The following ARHGAP36 variants were observed in gnomAD, a reference collection of about 807,000 sequenced individuals.
ARHGAP36 encodes rho GTPase-activating protein 36.
ARHGAP36 carries 7 observed loss-of-function variants against 32.9 expected under a neutral mutation model. The ratio of observed to expected loss-of-function variants is 0.21; its 90% confidence interval spans 0.12 to 0.40. ARHGAP36 has a LOEUF of 0.40. Ranked by LOEUF, ARHGAP36 falls within the 10% of genes least tolerant of loss-of-function variation. The pLI, the probability that ARHGAP36 is intolerant of heterozygous loss-of-function variation, is 1.00. For missense variants in ARHGAP36, 383 were observed against 442.2 expected, an observed-to-expected ratio of 0.87 and a Z score of 1.20; for synonymous variants, 165 against 168.3, an observed-to-expected ratio of 0.98 and a Z score of 0.15.
chrX:131,061,716 C>A (rs1438042348), intron 1 of ARHGAP36, among the ~76,000 whole-genome samples: 1 of 111,320 alleles, frequency 9.0e-6, no homozygotes, highest in Non-Finnish European at 1.9e-5. Context: ...GTCAGATAAG[C>A]ACCCCCATTC....
chrX:131,084,774 AGGAGCAG>A lies in ARHGAP36; in HGVS notation c.804+96_804+102del. 2.6e-6 allele frequency: 3 copies of A among 1,161,768 alleles called. No homozygotes were observed. The South Asian group carries it at 5.7e-5, about 22-fold the overall frequency. ...ATAGACCTGACTACCTGGTGGGGGG[AGGAGCAG>A]GGTCTTCTTTGTAGCCCCCAGGCCC... is the stretch of plus-strand genomic sequence containing the variant. On this transcript the variant is annotated intron_variant, in intron 6 of 11. Transcript: ENST00000276211.
intron 6 of ARHGAP36, 115 bp downstream of exon 6, chrX:131,084,796 C>A: frequency 8.7e-7 from 1 of 1,152,129 alleles, no homozygotes; most frequent in Admixed American, 2.3e-5. Flanking sequence ...TTCTTTGTAG[C>A]CCCCAGGCCC....
intron 4 of ARHGAP36, 96 bp from the exon 5 acceptor site, chrX:131,084,119 T>C (rs2079821552): frequency 2.9e-6 from 3 of 1,044,056 alleles, no homozygotes; most frequent in Non-Finnish European, 3.9e-6. Context: ...ACAAAGGGAA[T>C]GTATCTTGTC....
intron 1 of ARHGAP36, among the ~76,000 whole-genome samples, chrX:131,080,854 A>G (rs62601339): frequency 0.016 from 1,784 of 111,953 alleles, 50 homozygotes; most frequent in Admixed American, 0.091. Context: ...TGCTGTTAGC[A>G]TTTGGGTGCA....
intron 9 of ARHGAP36, 37 bp from the exon 10 acceptor site, chrX:131,086,292 G>C: frequency 8.5e-7 from 1 of 1,182,478 alleles, no homozygotes; most frequent in Non-Finnish European, 1.2e-6. Flanking sequence ...AAAAGGTGCT[G>C]TGTAATGATG....
At chrX:131,062,404 A>G (rs1455291508) in intron 1 of ARHGAP36, among the ~76,000 whole-genome samples, 1 of 111,848 alleles carries the variant, frequency 8.9e-6, no homozygotes, top group Non-Finnish European at 1.9e-5. Context: ...GTGATCTAGA[A>G]TTTCACTATA....
chrX:131,088,764 C>A lies in ARHGAP36; in HGVS notation c.1623C>A (p.Gly541=). ...RVPREKEAKT[G]VSYFFP ...CCCGGGAGAAGGAGGCCAAAACTGG[C>A]GTCAGCTACTTCTTTCCTTAGATGT... The change falls in exon 12 of 12, where the codon GGC becomes GGA. Residue 541 remains glycine, a synonymous_variant. Coordinates refer to ENST00000276211, the MANE Select transcript of ARHGAP36 (RefSeq NM_144967.4). 8.3e-7 allele frequency: 1 copy of A among 1,208,880 alleles called. No individual in the cohort carries two copies.
Position 131,086,410 on chromosome X carries a change from A to T in ARHGAP36, c.1363A>T (p.Asn455Tyr). The change falls in exon 10 of 12, where the codon AAC becomes TAC. Residue 455 changes from asparagine to tyrosine, a missense_variant. Physicochemically the swap from Asn to Tyr is moderately radical, Grantham distance 143 (BLOSUM62 -2). Transcript: ENST00000276211. ...PEALDFIRRR[N>Y]LRKIQSARIK... ...AGCACTTGATTTTATCAGACGCAGG[A>T]ACTTGAGGAAGATCCAGTGAGTGTT... 1 of 1,211,938 alleles carries T rather than the reference A, an allele frequency of 8.3e-7. No individual in the cohort carries two copies. Among genetic ancestry groups the T allele is most frequent in the Non-Finnish European group, 1.1e-6 (1 of 895,548 alleles).
At chrX:131,064,404 A>G (rs1472981477) in intron 1 of ARHGAP36, among the ~76,000 whole-genome samples, 1 of 111,923 alleles carries the variant, frequency 8.9e-6, no homozygotes, top group Non-Finnish European at 1.9e-5. Flanking sequence ...AGTAATGAGG[A>G]AAATTGGCAG....
chrX:131,087,843 A>G (rs2079843185), intron 11 of ARHGAP36, among the ~76,000 whole-genome samples: 1 of 111,976 alleles, frequency 8.9e-6, no homozygotes, highest in Admixed American at 9.4e-5. Flanking sequence ...TCAGTTCTCT[A>G]TGTGGCTCCA....
chrX:131,084,048 G>C lies in ARHGAP36; in HGVS notation c.555+79G>C. 4.5e-6 allele frequency: 5 copies of C among 1,105,541 alleles called. No individual in the cohort carries two copies. In the South Asian group the frequency reaches 9.9e-5, roughly 22 times the overall value. 91.1% of individuals were successfully genotyped at this position (1,105,541 alleles called of 1,213,427 possible). On this transcript the variant is annotated intron_variant, in intron 4 of 11. Transcript: ENST00000276211. ...ATGTGAGGCCGGAGGATCAAGGCCTGTGCCCTCAGAGGCAGGGGGGAGCTG... is the reference window on the plus strand; with the variant it reads ...ATGTGAGGCCGGAGGATCAAGGCCTCTGCCCTCAGAGGCAGGGGGGAGCTG...
At chrX:131,086,719 G>C (rs993203911) in intron 11 of ARHGAP36, 54 bp downstream of exon 11, 6 of 1,098,404 alleles carry the variant, frequency 5.5e-6, no homozygotes, top group Non-Finnish European at 6.2e-6. Flanking sequence ...CCTTGTTGAA[G>C]GTCAGGCCCT....
At chrX:131,070,035 G>A (rs1214964454) in intron 1 of ARHGAP36, among the ~76,000 whole-genome samples, 2 of 112,416 alleles carry the variant, frequency 1.8e-5, no homozygotes, top group Non-Finnish European at 3.8e-5. Context: ...TACATGAGGA[G>A]TTATCATAAG....
chrX:131,084,025 G>A, intron 4 of ARHGAP36, 56 bp downstream of exon 4: 1 of 1,155,471 alleles, frequency 8.7e-7, no homozygotes, highest in Non-Finnish European at 1.2e-6. Flanking sequence ...ATGCAGGAAT[G>A]TGAGGCCGGA....
chrX:131,083,610 G>A, intron 3 of ARHGAP36, 124 bp from the exon 4 acceptor site: 3 of 685,340 alleles, frequency 4.4e-6, no homozygotes, highest in Non-Finnish European at 6.9e-6. Context: ...GGGGCGCTGC[G>A]GTTCTGGAGA....
At chrX:131,076,045 C>T (rs112485262) in intron 1 of ARHGAP36, among the ~76,000 whole-genome samples, 60 of 111,823 alleles carry the variant, frequency 5.4e-4, no homozygotes, top group African/African-American at 1.7e-3. Flanking sequence ...TCATGAATCA[C>T]GAATAGCTGT....
Position 131,081,882 on chromosome X carries a change from G to A in ARHGAP36, c.217G>A (p.Ala73Thr), listed in dbSNP as rs2079802207. ...LQETAYHELVARHFLSEFKPD... is the reference protein window; with the variant it reads ...LQETAYHELVTRHFLSEFKPD... ...AGAGACTGCTTACCACGAACTCGTGGCCAGACATTTCCTCTCCGAATTCAA... is the reference window on the plus strand; with the variant it reads ...AGAGACTGCTTACCACGAACTCGTGACCAGACATTTCCTCTCCGAATTCAA... The change falls in exon 2 of 12, where the codon GCC (alanine) becomes ACC (threonine). Residue 73 changes from alanine (A) to threonine (T), a missense_variant. Ala to Thr is a moderately conservative substitution (Grantham distance 58, BLOSUM62 0). Coordinates refer to ENST00000276211, the MANE Select transcript of ARHGAP36 (RefSeq NM_144967.4). 1 of 1,210,331 alleles carries A rather than the reference G, an allele frequency of 8.3e-7. No individual in the cohort carries two copies. Among genetic ancestry groups the A allele is most frequent in the Non-Finnish European group, 1.1e-6 (1 of 895,389 alleles).
At chrX:131,084,124 C>A in intron 4 of ARHGAP36, 91 bp from the exon 5 acceptor site, 1 of 1,056,235 alleles carries the variant, frequency 9.5e-7, no homozygotes, top group Non-Finnish European at 1.3e-6. Context: ...GGGAATGTAT[C>A]TTGTCCTGAA....
In ARHGAP36 at chrX:131,083,180, G is replaced by C. The variant is rs755218408; in HGVS notation, c.269G>C (p.Arg90Pro). The C allele has an allele frequency of 6.6e-6, 8 of 1,209,465 alleles. No homozygotes were observed. Among genetic ancestry groups the C allele is most frequent in the Non-Finnish European group, 8.9e-6 (8 of 894,702 alleles). The change falls in exon 3 of 12, where the codon CGT (arginine) becomes CCT (proline). Residue 90 changes from arginine to proline, a missense_variant. By Grantham distance (103) the Arg-to-Pro change is moderately radical. Transcript: ENST00000276211. The stretch of plus-strand genomic sequence containing the variant: ...CTTTCTGTAGCTCTGCCTATTGACC[G>C]TCCGAACACCTTGGATAAGTGGTTT... ...FKPDRALPID[R>P]PNTLDKWFLI...
Sources: allele counts gnomAD v4.1 joint callset (sites outside exome capture counted in the v4.1 genomes callset), GRCh38; gene constraint gnomAD v4.1.1; transcripts MANE v1.5; gene names NCBI Gene and HGNC (gene_info 2026-07-23, HGNC 2026-07-21).